Variants in CNBD1 observed in about 807,000 individuals in gnomAD.
The protein encoded by CNBD1 is cyclic nucleotide binding domain containing 1, also known as cyclic nucleotide-binding domain-containing protein 1.
CNBD1 carries 71 observed loss-of-function variants against 54.4 expected under a neutral mutation model. The observed-to-expected ratio is 1.30, with a 90% confidence interval of 1.08 to 1.59. The LOEUF is 1.59. Among genes scored for constraint, CNBD1 ranks in the 40% most tolerant of loss-of-function variants. The pLI, the probability that CNBD1 is intolerant of heterozygous loss-of-function variation, is 0.00. For synonymous variants in CNBD1, 182 were observed against 170.7 expected, an observed-to-expected ratio of 1.07 and a Z score of -0.51; for missense variants, 659 against 518.0, an observed-to-expected ratio of 1.27 and a Z score of -2.64.
intron 4 of CNBD1, among the ~76,000 whole-genome samples, chr8:87,034,878 A>T (rs1402191141): frequency 6.6e-6 from 1 of 152,160 alleles, no homozygotes; most frequent in Non-Finnish European, 1.5e-5. Context: ...ATAGATTTGG[A>T]TGCGACCTTG....
chr8:87,234,894 T>C (rs75198658), intron 5 of CNBD1, among the ~76,000 whole-genome samples: 2,784 of 152,356 alleles, frequency 0.018, 94 homozygotes, highest in African/African-American at 0.064. Flanking sequence ...TACAATAGAA[T>C]GCTGTTTCAT....
chr8:87,380,862 C>T (rs1351576575), intron 10 of CNBD1, among the ~76,000 whole-genome samples: 1 of 151,962 alleles, frequency 6.6e-6, no homozygotes, highest in African/African-American at 2.4e-5. Context: ...TAAAATTGGA[C>T]CCTTACCTTG....
chr8:87,129,132 C>CT (rs1294487905), intron 4 of CNBD1, among the ~76,000 whole-genome samples: 1 of 127,614 alleles, frequency 7.8e-6, no homozygotes, highest in Non-Finnish European at 1.6e-5. Flanking sequence ...CTGTAATTTT[C>CT]TTTTTTGGTA....
At chr8:86,893,937 C>T (rs1167051341) in intron 2 of CNBD1, among the ~76,000 whole-genome samples, 4 of 149,630 alleles carry the variant, frequency 2.7e-5, no homozygotes, top group South Asian at 4.2e-4. Context: ...GACTACCAAA[C>T]TTATAAGTGG....
At chr8:86,897,573 G>A (rs574094851) in intron 2 of CNBD1, among the ~76,000 whole-genome samples, 17 of 152,312 alleles carry the variant, frequency 1.1e-4, no homozygotes, top group Admixed American at 1.0e-3. Flanking sequence ...AATGCAGATA[G>A]TGAGTCTACC....
At chr8:87,259,711 G>T (rs1052233597) in intron 6 of CNBD1, among the ~76,000 whole-genome samples, 5 of 152,066 alleles carry the variant, frequency 3.3e-5, no homozygotes, top group African/African-American at 7.2e-5. Flanking sequence ...TTCTTAATTG[G>T]TTATTGGCTT....
At chr8:87,359,056 G>A (rs1810480131) in intron 10 of CNBD1, among the ~76,000 whole-genome samples, 1 of 152,122 alleles carries the variant, frequency 6.6e-6, no homozygotes, top group Non-Finnish European at 1.5e-5. Context: ...TGTTTTACCA[G>A]CTATCTGGGC....
chr8:86,888,642 A>G (rs189353841), intron 2 of CNBD1, among the ~76,000 whole-genome samples: 1 of 152,252 alleles, frequency 6.6e-6, no homozygotes, highest in African/African-American at 2.4e-5. Flanking sequence ...AGGGTTCCAG[A>G]AGTGTTAGTT....
intron 4 of CNBD1, among the ~76,000 whole-genome samples, chr8:87,106,376 T>C (rs1253362376): frequency 1.3e-5 from 2 of 151,990 alleles, no homozygotes; most frequent in Non-Finnish European, 2.9e-5. Context: ...CATGCCCAGC[T>C]AATTTTTGTA....
chr8:87,078,365 G>A (rs535051743), intron 4 of CNBD1, among the ~76,000 whole-genome samples: 4 of 152,274 alleles, frequency 2.6e-5, no homozygotes, highest in African/African-American at 9.6e-5. Flanking sequence ...AAAGCTGTGT[G>A]AATGTTGCTA....
chr8:86,978,242 T>A (rs1367200295), intron 4 of CNBD1, among the ~76,000 whole-genome samples: 1 of 152,144 alleles, frequency 6.6e-6, no homozygotes, highest in African/African-American at 2.4e-5. Flanking sequence ...AAACCATTAA[T>A]CTCGTTTACA....
chr8:87,121,343 AGT>A (rs1811885077), intron 4 of CNBD1, among the ~76,000 whole-genome samples: 1 of 151,736 alleles, frequency 6.6e-6, no homozygotes, highest in Admixed American at 6.6e-5. Context: ...AGGAAATAAG[AGT>A]GTATTTAGCA....
intron 8 of CNBD1, among the ~76,000 whole-genome samples, chr8:87,295,781 A>C (rs996044679): frequency 2.0e-5 from 3 of 152,216 alleles, no homozygotes; most frequent in Non-Finnish European, 4.4e-5. Context: ...ATAAAATTGC[A>C]TAATTTCATT....
chr8:86,955,679 T>G (rs1807747899), intron 4 of CNBD1, among the ~76,000 whole-genome samples: 1 of 152,256 alleles, frequency 6.6e-6, no homozygotes, highest in Non-Finnish European at 1.5e-5. Flanking sequence ...TTGATGGGGT[T>G]GTTTGATTTT....
chr8:87,416,385 T>C (rs942574116), intron 2 of CNBD1, among the ~76,000 whole-genome samples: 1 of 152,074 alleles, frequency 6.6e-6, no homozygotes, highest in African/African-American at 2.4e-5. Context: ...AGAGCATTTA[T>C]TCAAGAAAAG....
At chr8:87,228,059 C>A (rs1387441073) in intron 5 of CNBD1, among the ~76,000 whole-genome samples, 2,103 of 151,368 alleles carry the variant, frequency 0.014, 31 homozygotes, top group Non-Finnish European at 0.022. Context: ...TGCATTCTTC[C>A]CGTAGTTCTC....
At chr8:87,386,363 G>GA (rs896100426), downstream of CNBD1, among the ~76,000 whole-genome samples, 8 of 150,948 alleles carry the variant, frequency 5.3e-5, no homozygotes, top group African/African-American at 1.2e-4. Context: ...TAAAAACCTT[G>GA]AAAAAAAAAT....
At chr8:87,201,004 A>G (rs1259144417) in intron 4 of CNBD1, among the ~76,000 whole-genome samples, 1 of 152,186 alleles carries the variant, frequency 6.6e-6, no homozygotes, top group Non-Finnish European at 1.5e-5. Context: ...TCTCAACAAA[A>G]TAGTAGCAAA....
intron 4 of CNBD1, among the ~76,000 whole-genome samples, chr8:87,027,564 C>G (rs986390183): frequency 1.3e-5 from 2 of 152,244 alleles, no homozygotes; most frequent in Non-Finnish European, 2.9e-5. Flanking sequence ...GCCACCGTGC[C>G]TGGCCTGGCA....
Sources: gnomAD v4.1 joint callset for allele counts (sites outside exome capture counted in the v4.1 genomes callset) on GRCh38, gnomAD v4.1.1 for gene constraint, MANE v1.5 for transcripts, NCBI Gene and HGNC (gene_info 2026-07-23, HGNC 2026-07-21) for gene names.